Variants in SCN3A observed in about 807,000 individuals in gnomAD.
SCN3A encodes sodium voltage-gated channel alpha subunit 3.
Under a neutral mutation model 187.6 loss-of-function variants are expected in SCN3A, and 60 were observed. The observed-to-expected ratio is 0.32, with a 90% CI of 0.26 to 0.40. SCN3A has a LOEUF of 0.40. SCN3A is among the 10% of genes least tolerant of loss of function. The pLI is 1.00. For missense variants in SCN3A, 1,601 were observed against 2,428.2 expected, an observed-to-expected ratio of 0.66 and a Z score of 7.16; for synonymous variants, 788 against 829.2, an observed-to-expected ratio of 0.95 and a Z score of 0.85.
chr2:165,102,413 G>A (rs1685650422), intron 21 of SCN3A, among the ~76,000 whole-genome samples: 1 of 152,128 alleles, frequency 6.6e-6, no homozygotes, highest in South Asian at 2.1e-4. Flanking sequence ...CTATTTGGGA[G>A]GCTTAGGCAG....
chr2:165,097,557 A>G, intron 22 of SCN3A, 33 bp from the exon 23 acceptor site: 1 of 1,611,006 alleles, frequency 6.2e-7, no homozygotes, highest in Non-Finnish European at 8.5e-7. Flanking sequence ...CATAGCTTAC[A>G]AACCTTTTGA....
chr2:165,157,505 A>G (rs1312554889), intron 9 of SCN3A, among the ~76,000 whole-genome samples: 1 of 152,192 alleles, frequency 6.6e-6, no homozygotes, highest in Non-Finnish European at 1.5e-5. Context: ...CCAAGGGTAC[A>G]TACTTATCAC....
In SCN3A at chr2:165,130,169, A is replaced by G; in HGVS notation, c.2693T>C (p.Val898Ala). Residue 898 changes from valine (V) to alanine (A), a missense_variant, in exon 17 of 28, where the codon GTG (valine) becomes GCG (alanine). Physicochemically the swap from Val to Ala is moderately conservative, Grantham distance 64. Around this residue, in one of 11 missense-constraint regions of SCN3A, gnomAD observed 91 missense variants for 207.0 expected, o/e 0.44. Coordinates refer to ENST00000283254, the MANE Select transcript of SCN3A (RefSeq NM_006922.4). ...VLAIIVFIFA[V>A]VGMQLFGKSY... The stretch of plus-strand genomic sequence containing the variant: ...CTTACCAAAGAGCTGCATGCCGACC[A>G]CAGCAAAAATGAAGACGATGATGGC... 6.2e-7 allele frequency: 1 copy of G among 1,614,200 alleles called. No homozygotes were observed. Among genetic ancestry groups the G allele is most frequent in the South Asian group, 1.1e-5 (1 of 91,080 alleles).
rs1370486503 is a variant in SCN3A at position 165,160,170 on chromosome 2, G to T, written c.1031+2138C>A. Among the ~76,000 whole-genome samples, 3 of 88,616 alleles carry T rather than the reference G, an allele frequency of 3.4e-5. 1 individual carries two copies. Among genetic ancestry groups the T allele is most frequent in the Non-Finnish European group, 5.8e-5 (3 of 51,344 alleles). The allele number at this position is 88,616 out of a possible 152,430, so 58.1% of individuals were successfully genotyped here. A position where few individuals can be genotyped will look rare whatever the true frequency, so the allele number is the denominator to read the frequency against. Reference sequence around the variant, plus strand: ...AAAAACAAAAATCTCATCACCAATGGCCAGGCGCAGTGGCTCATGCCTGTA... The same window carrying T: ...AAAAACAAAAATCTCATCACCAATGTCCAGGCGCAGTGGCTCATGCCTGTA... On this transcript the variant is annotated intron_variant, in intron 9 of 27. Coordinates refer to ENST00000283254, the MANE Select transcript of SCN3A (RefSeq NM_006922.4).
intron 1 of SCN3A, among the ~76,000 whole-genome samples, chr2:165,199,573 G>C (rs1050289342): frequency 2.7e-5 from 4 of 148,752 alleles, no homozygotes; most frequent in Non-Finnish European, 5.9e-5. Flanking sequence ...GAAAGAAGTG[G>C]GATATTAAAA....
chr2:165,123,905 C>G (rs1686838120), intron 18 of SCN3A, among the ~76,000 whole-genome samples: 1 of 151,980 alleles, frequency 6.6e-6, no homozygotes, highest in Non-Finnish European at 1.5e-5. Flanking sequence ...TGAGAGTTCC[C>G]TATTACTTTT....
chr2:165,130,416 A>T, intron 16 of SCN3A, 120 bp from the exon 17 acceptor site: 1 of 995,268 alleles, frequency 1.0e-6, no homozygotes, highest in South Asian at 1.5e-5. Flanking sequence ...AAATATACTG[A>T]ACTGATTCAA....
intron 9 of SCN3A, among the ~76,000 whole-genome samples, chr2:165,162,035 A>T (rs1166203120): frequency 1.3e-5 from 2 of 152,132 alleles, no homozygotes; most frequent in Non-Finnish European, 2.9e-5. Context: ...GCAAAGACAG[A>T]CTCTGGGCCT....
chr2:165,092,356 A>T lies in SCN3A; in HGVS notation c.4705T>A (p.Phe1569Ile). 3 of 1,613,976 alleles carry T rather than the reference A, an allele frequency of 1.9e-6. No homozygotes were observed. Among genetic ancestry groups the T allele is most frequent in the Non-Finnish European group, 2.5e-6 (3 of 1,179,952 alleles). The stretch of plus-strand genomic sequence containing the variant: ...AGCTTCAGCACAAATTCTCCAGTGA[A>T]CAGAACAATGAACACTAGGTTGATC... Reference protein sequence around the residue: ...SRINLVFIVLFTGEFVLKLVS... With the variant: ...SRINLVFIVLITGEFVLKLVS... The change falls in exon 27 of 28, where the codon TTC (phenylalanine) becomes ATC (isoleucine). Residue 1569 changes from phenylalanine to isoleucine, a missense_variant. Physicochemically the swap from Phe to Ile is conservative, Grantham distance 21. Transcript: ENST00000283254. The surrounding 1 kb of genome is among the most constrained non-coding windows in gnomAD (Gnocchi z 4.2).
chr2:165,106,173 T>C (rs1255574994), intron 21 of SCN3A, among the ~76,000 whole-genome samples: 1 of 152,196 alleles, frequency 6.6e-6, no homozygotes, highest in Non-Finnish European at 1.5e-5. Context: ...GCCATGAGTT[T>C]CACAGGAATT....
At position 165,164,398 on chromosome 2, in the gene SCN3A, A is replaced by G; in HGVS notation, c.596T>C (p.Val199Ala). Residue 199 changes from valine (V) to alanine (A), a missense_variant, in exon 6 of 28, where the codon GTG (valine) becomes GCG (alanine). Physicochemically the swap from Val to Ala is moderately conservative, Grantham distance 64 (BLOSUM62 0). Coordinates refer to ENST00000283254, the MANE Select transcript of SCN3A (RefSeq NM_006922.4). ...PWNWLDFSVI[V>A]MAYVTEFVDL... The stretch of plus-strand genomic sequence containing the variant: ...AATTTTCAAAGTTACTCACGCCATC[A>G]CAATGACACTGAAATCCAGCCAGTT... The G allele has an allele frequency of 6.2e-7, 1 of 1,613,778 alleles. No homozygotes were observed. Among genetic ancestry groups the G allele is most frequent in the Non-Finnish European group, 8.5e-7 (1 of 1,179,786 alleles).
intron 2 of SCN3A, among the ~76,000 whole-genome samples, chr2:165,185,964 A>C (rs370524380): frequency 2.0e-5 from 3 of 152,116 alleles, no homozygotes; most frequent in Admixed American, 6.6e-5. Context: ...GTCTCTCTTA[A>C]AAGAAAAATA....
At chr2:165,096,601 T>A in intron 23 of SCN3A, 81 bp from the exon 24 acceptor site, 1 of 939,996 alleles carries the variant, frequency 1.1e-6, no homozygotes, top group Non-Finnish European at 1.7e-6. Flanking sequence ...CTGACAGTAT[T>A]ATAACAAATA....
intron 1 of SCN3A, among the ~76,000 whole-genome samples, chr2:165,191,009 A>G (rs926709620): frequency 5.3e-5 from 8 of 151,366 alleles, no homozygotes; most frequent in Middle Eastern, 6.5e-3. Context: ...TTGCCAGCCC[A>G]GGAACCACAC....
At chr2:165,115,317 G>A (rs1273401338) in intron 19 of SCN3A, 138 bp downstream of exon 19, 41 of 967,118 alleles carry the variant, frequency 4.2e-5, no homozygotes, top group Middle Eastern at 3.1e-4. Context: ...TCCTCCTACC[G>A]TAGCCTCCCA....
chr2:165,182,163 C>A (rs543090617), intron 2 of SCN3A, among the ~76,000 whole-genome samples: 1 of 152,306 alleles, frequency 6.6e-6, no homozygotes, highest in East Asian at 1.9e-4. Flanking sequence ...AGCTCCCACA[C>A]AAAGGGCCCC....
At position 165,090,939 on chromosome 2, in the gene SCN3A, C is replaced by T. The variant is rs764253671; in HGVS notation, c.5214G>A (p.Lys1738=). The T allele has an allele frequency of 3.1e-6, 5 of 1,614,082 alleles. No individual in the cohort carries two copies. The highest frequency in any genetic ancestry group is 1.3e-5 in the African/African-American group (1 of 75,022). The change falls in exon 28 of 28, where the codon AAG becomes AAA. Residue 1738 remains lysine (K), a synonymous_variant. Coordinates refer to ENST00000283254, the MANE Select transcript of SCN3A (RefSeq NM_006922.4). This position sits in a 1 kb window ranked among gnomAD's most constrained non-coding sequence, Gnocchi z 4.0. ...CAACAGATGGGTTCCCACAGTCTCC[C>T]TTAACTGAGCTGCCAGGGTGAATTG... ...PDTIHPGSSV[K]GDCGNPSVGI...
At chr2:165,155,294 C>A (rs76735853) in intron 10 of SCN3A, among the ~76,000 whole-genome samples, 5,579 of 152,230 alleles carry the variant, frequency 0.037, 295 homozygotes, top group African/African-American at 0.12. Flanking sequence ...TTATGTTGGA[C>A]CTTCCTCTGT....
chr2:165,152,131 G>A (rs1688720317), intron 11 of SCN3A, among the ~76,000 whole-genome samples: 1 of 152,152 alleles, frequency 6.6e-6, no homozygotes, highest in Non-Finnish European at 1.5e-5. Flanking sequence ...AAAATTGACA[G>A]TGTCTGGAAT....
Sources: gnomAD v4.1 joint callset for allele counts (sites outside exome capture counted in the v4.1 genomes callset) on GRCh38, gnomAD v4.1.1 for gene constraint, gnomAD v4.1.1 regional missense constraint, Gnocchi (gnomAD v3.1) non-coding constraint, MANE v1.5 for transcripts, NCBI Gene and HGNC (gene_info 2026-07-23, HGNC 2026-07-21) for gene names.